SPR: variants seen among roughly 807,000 people sequenced by gnomAD.
The protein encoded by SPR is sepiapterin reductase.
SPR carries 12 observed loss-of-function variants against 16.0 expected under a neutral mutation model. That is an observed-to-expected ratio of 0.75 (90% CI 0.48 to 1.22). The LOEUF (loss-of-function observed/expected upper bound fraction) is 1.22. SPR is among the 50% of genes most tolerant of loss of function. SPR has a pLI of 0.00. For missense variants in SPR, 324 were observed against 344.4 expected (o/e 0.94, Z 0.47); for synonymous variants, 177 against 168.5 (o/e 1.05, Z -0.39).
At chr2:72,889,829 A>G (rs1670593826) in intron 2 of SPR, among the ~76,000 whole-genome samples, 1 of 152,218 alleles carries the variant, frequency 6.6e-6, no homozygotes. Flanking sequence ...GGTCTCAGGA[A>G]GAATGTTCTA....
rs1359928682 is a variant in SPR at position 72,888,538 on chromosome 2, C to G, written c.529C>G (p.Arg177Gly). The G allele has an allele frequency of 5.6e-6, 9 of 1,601,016 alleles. No individual in the cohort carries two copies. The South Asian group carries it at 7.8e-5, about 14-fold the overall frequency. The part of the protein sequence containing the change: ...WALYCAGKAA[R>G]DMLFQVLALE... ...GCTGTACTGTGCAGGAAAGGCTGCT[C>G]GTGATATGCTGTTCCAGGTCCTGGC... Residue 177 changes from arginine (R) to glycine (G), a missense_variant, in exon 2 of 3, where the codon CGT (arginine) becomes GGT (glycine). Coordinates refer to ENST00000234454, the MANE Select transcript of SPR (RefSeq NM_003124.5).
intron 2 of SPR, 41 bp downstream of exon 2, chr2:72,888,645 C>G (rs1462005248): frequency 9.0e-6 from 14 of 1,554,740 alleles, no homozygotes; most frequent in East Asian, 2.3e-5. Flanking sequence ...CCAGAACCCA[C>G]TGGTGCGCCT....
chr2:72,888,441 C>T lies in SPR; in HGVS notation c.432C>T (p.Asp144=), dbSNP rs1419644060. 1.2e-6 allele frequency: 2 copies of T among 1,614,008 alleles called. No individual in the cohort carries two copies. The highest frequency in any genetic ancestry group is 2.2e-5 in the South Asian group (2 of 91,032). ...CCAGCGTCCTGAAGGCCTTCCCGGA[C>T]AGTCCTGGCCTCAACAGAACCGTGG... is the stretch of plus-strand genomic sequence containing the variant. ...LTSSVLKAFP[D]SPGLNRTVVN... Residue 144 remains aspartate, a synonymous_variant, in exon 2 of 3, where the codon GAC becomes GAT. Coordinates refer to ENST00000234454, the MANE Select transcript of SPR (RefSeq NM_003124.5).
chr2:72,888,445 C>T lies in SPR; in HGVS notation c.436C>T (p.Pro146Ser). Residue 146 changes from proline (P) to serine (S), a missense_variant, in exon 2 of 3, where the codon CCT becomes TCT. Physicochemically the swap from Pro to Ser is moderately conservative, Grantham distance 74 (BLOSUM62 -1). Transcript: ENST00000234454. ...SSVLKAFPDS[P>S]GLNRTVVNIS... ...CGTCCTGAAGGCCTTCCCGGACAGT[C>T]CTGGCCTCAACAGAACCGTGGTTAA... 1 of 1,614,090 alleles carries T rather than the reference C, an allele frequency of 6.2e-7. No individual in the cohort carries two copies. The highest frequency in any genetic ancestry group is 1.1e-5 in the South Asian group (1 of 91,034).
Position 72,891,792 on chromosome 2 carries a change from T to G in SPR, c.*255T>G. 1.8e-6 allele frequency: 1 copy of G among 541,806 alleles called. No homozygotes were observed. The highest frequency in any genetic ancestry group is 3.3e-6 in the Non-Finnish European group (1 of 300,690). The allele number at this position is 541,806 out of a possible 1,614,324, so 33.6% of individuals were successfully genotyped here. ...GAGGTTATGGGTATTGGTGTCTCTA[T>G]CCCCAGGAATAGAACTTAAGGGGTG... On this transcript the variant is annotated 3_prime_UTR_variant, in exon 3 of 3. Coordinates refer to ENST00000234454, the MANE Select transcript of SPR (RefSeq NM_003124.5).
At chr2:72,889,679 C>A (rs979181022) in intron 2 of SPR, among the ~76,000 whole-genome samples, 2 of 152,064 alleles carry the variant, frequency 1.3e-5, no homozygotes, top group Non-Finnish European at 2.9e-5. Context: ...TAAGCTACAA[C>A]CAGGAGCAGA....
At chr2:72,891,319 C>T in intron 2 of SPR, 28 bp from the exon 3 acceptor site, 2 of 1,613,686 alleles carry the variant, frequency 1.2e-6, no homozygotes, top group South Asian at 2.2e-5. Flanking sequence ...TGGCCATGTT[C>T]CCTCATCGTC....
At chr2:72,888,809 T>C (rs1249228065) in intron 2 of SPR, among the ~76,000 whole-genome samples, 1 of 151,938 alleles carries the variant, frequency 6.6e-6, no homozygotes, top group Non-Finnish European at 1.5e-5. Context: ...GAGTGAGGAG[T>C]TTCCTGGACT....
chr2:72,887,813 C>T, intron 1 of SPR, 77 bp downstream of exon 1: 1 of 1,377,432 alleles, frequency 7.3e-7, no homozygotes, highest in Admixed American at 3.0e-5. Flanking sequence ...AAGGGCTACT[C>T]CTAGGGGTCA....
Position 72,891,588 on chromosome 2 carries a change from C to T in SPR, c.*51C>T. The T allele has an allele frequency of 6.2e-7, 1 of 1,604,598 alleles. No homozygotes were observed. ...TTTTTGCCCCCACTTTTAGACATACCCCAGAGCCCTGTGGCTCCCCACACC... is the reference window on the plus strand; with the variant it reads ...TTTTTGCCCCCACTTTTAGACATACTCCAGAGCCCTGTGGCTCCCCACACC... On this transcript the variant is annotated 3_prime_UTR_variant, in exon 3 of 3. Coordinates refer to ENST00000234454, the MANE Select transcript of SPR (RefSeq NM_003124.5).
chr2:72,890,809 A>G (rs1427482763), intron 2 of SPR, among the ~76,000 whole-genome samples: 1 of 152,202 alleles, frequency 6.6e-6, no homozygotes, highest in African/African-American at 2.4e-5. Context: ...TCAGCTTCCC[A>G]AAGTGCTGGG....
chr2:72,888,875 G>A (rs528477267), intron 2 of SPR, among the ~76,000 whole-genome samples: 3 of 152,194 alleles, frequency 2.0e-5, no homozygotes, highest in East Asian at 1.9e-4. Context: ...GAAGACTGGG[G>A]TTTGAGTTCC....
intron 2 of SPR, among the ~76,000 whole-genome samples, chr2:72,889,819 G>C (rs778032777): frequency 2.0e-5 from 3 of 152,104 alleles, no homozygotes; most frequent in Non-Finnish European, 4.4e-5. Context: ...TTTTCATTTC[G>C]GTCTCAGGAA....
Position 72,891,564 on chromosome 2 carries a change from T to C in SPR, c.*27T>C. 4 of 1,613,860 alleles carry C rather than the reference T, an allele frequency of 2.5e-6. No homozygotes were observed. The highest frequency in any genetic ancestry group is 3.4e-6 in the Non-Finnish European group (4 of 1,179,942). On this transcript the variant is annotated 3_prime_UTR_variant, in exon 3 of 3. Coordinates refer to ENST00000234454, the MANE Select transcript of SPR (RefSeq NM_003124.5). The stretch of plus-strand genomic sequence containing the variant: ...CCCATGTTTTTGGCTTCCTGAACCT[T>C]TTTGCCCCCACTTTTAGACATACCC...
rs1670624718 is a variant in SPR at position 72,891,669 on chromosome 2, C to T, written c.*132C>T. On this transcript the variant is annotated 3_prime_UTR_variant, in exon 3 of 3. Coordinates refer to ENST00000234454, the MANE Select transcript of SPR (RefSeq NM_003124.5). ...AGAAGCATTCATGCCTGCTGCCCTGCCCTCAGGCACAGCCAGCTGTGAGCT... is the reference window on the plus strand; with the variant it reads ...AGAAGCATTCATGCCTGCTGCCCTGTCCTCAGGCACAGCCAGCTGTGAGCT... 3.8e-6 allele frequency: 4 copies of T among 1,066,086 alleles called. No individual in the cohort carries two copies. Among genetic ancestry groups the T allele is most frequent in the Non-Finnish European group, 4.2e-6 (3 of 718,502 alleles). 66.0% of individuals were successfully genotyped at this position (1,066,086 alleles called of 1,614,324 possible).
At chr2:72,889,911 A>G (rs957685177) in intron 2 of SPR, among the ~76,000 whole-genome samples, 3 of 152,230 alleles carry the variant, frequency 2.0e-5, no homozygotes, top group Non-Finnish European at 2.9e-5. Context: ...TGCACAGGTC[A>G]TTGGAAAATA....
chr2:72,888,312 A>C lies in SPR; in HGVS notation c.305-2A>C. 1 of 1,614,142 alleles carries C rather than the reference A, an allele frequency of 6.2e-7. No homozygotes were observed. The highest frequency in any genetic ancestry group is 8.5e-7 in the Non-Finnish European group (1 of 1,180,026). Reference sequence around the variant, plus strand: ...AGTTACTCCTAAGGGTTGGTTTTTCAGGCTCTCTTGGGGATGTGTCCAAAG... The same window carrying C: ...AGTTACTCCTAAGGGTTGGTTTTTCCGGCTCTCTTGGGGATGTGTCCAAAG... On this transcript the variant is annotated splice_acceptor_variant, in intron 1 of 2. Coordinates refer to ENST00000234454, the MANE Select transcript of SPR (RefSeq NM_003124.5). LOFTEE classifies it high-confidence loss of function.
rs1009396026 is a variant in SPR, at chr2:72,888,264, A to G, written c.305-50A>G. On this transcript the variant is annotated intron_variant, in intron 1 of 2. Coordinates refer to ENST00000234454, the MANE Select transcript of SPR (RefSeq NM_003124.5). Reference sequence around the variant, plus strand: ...TGGAGGAACTTGGGAGGGCTGGGGAAGAAGAAAGCCCCGCCTGCACTGAGT... The same window carrying G: ...TGGAGGAACTTGGGAGGGCTGGGGAGGAAGAAAGCCCCGCCTGCACTGAGT... The G allele has an allele frequency of 1.9e-5, 30 of 1,593,392 alleles. No individual in the cohort carries two copies. The African/African-American group carries it at 3.6e-4, about 19-fold the overall frequency.
intron 2 of SPR, 111 bp from the exon 3 acceptor site, chr2:72,891,235 GT>G (rs950237309): frequency 1.8e-5 from 20 of 1,128,994 alleles, no homozygotes; most frequent in Non-Finnish European, 2.6e-5. Flanking sequence ...AAGATGACGT[GT>G]TTCCTCTGGC....
Sources: gnomAD v4.1 joint callset for allele counts (sites outside exome capture counted in the v4.1 genomes callset) on GRCh38, gnomAD v4.1.1 for gene constraint, MANE v1.5 for transcripts, NCBI Gene and HGNC (gene_info 2026-07-23, HGNC 2026-07-21) for gene names.